Variants in ENTPD5 observed in about 807,000 individuals in gnomAD.
ENTPD5 encodes nucleoside diphosphate phosphatase ENTPD5.
In ENTPD5, 49 loss-of-function variants were observed where a neutral mutation model predicts 60.2. The ratio of observed to expected loss-of-function variants is 0.81; its 90% CI spans 0.65 to 1.03. ENTPD5 has a LOEUF of 1.03. Ranked by LOEUF, ENTPD5 falls within the 50% of genes least tolerant of loss-of-function variation. The pLI, the probability that ENTPD5 is intolerant of heterozygous loss-of-function variation, is 0.00. For synonymous variants in ENTPD5, 187 were observed against 185.4 expected, an observed-to-expected ratio of 1.01 and a Z score of -0.07; for missense variants, 480 against 507.6, an observed-to-expected ratio of 0.95 and a Z score of 0.52.
chr14:73,955,438 CT>C (rs772721316), downstream of ENTPD5: 9 of 1,613,078 alleles, frequency 5.6e-6, no homozygotes, highest in Non-Finnish European at 7.6e-6. Context: ...TCTATAGATC[CT>C]TTCTTTTGTA....
chr14:73,985,946 C>G (rs1455325161), intron 5 of ENTPD5, among the ~76,000 whole-genome samples: 4 of 151,698 alleles, frequency 2.6e-5, no homozygotes, highest in Non-Finnish European at 1.5e-5. Context: ...GTGGCACATG[C>G]CTGTAGTCCC....
downstream of ENTPD5, among the ~76,000 whole-genome samples, chr14:73,957,233 GA>G (rs1157222885): frequency 6.6e-6 from 1 of 151,994 alleles, no homozygotes; most frequent in African/African-American, 2.4e-5. Flanking sequence ...GAGTAGCTGG[GA>G]CTATAGGCGC....
At chr14:74,015,308 C>T (rs971358514) in intron 2 of ENTPD5, among the ~76,000 whole-genome samples, 2 of 151,324 alleles carry the variant, frequency 1.3e-5, no homozygotes. Flanking sequence ...ATAAAGTAAA[C>T]CCAGTTTTGG....
chr14:73,976,596 T>C, intron 8 of ENTPD5, among the ~76,000 whole-genome samples, 184 bp from the exon 9 acceptor site: 1 of 139,298 alleles, frequency 7.2e-6, no homozygotes, highest in East Asian at 2.0e-4. Context: ...AAGGCAGGTG[T>C]TTTTTTTTTT....
At chr14:73,971,958 A>G (rs2057246354) in intron 13 of ENTPD5, 50 bp from the exon 14 acceptor site, 2 of 1,119,420 alleles carry the variant, frequency 1.8e-6, no homozygotes, top group Non-Finnish European at 2.7e-6. Flanking sequence ...TCAAGGAAGC[A>G]TAAGGAAATT....
intron 3 of ENTPD5, among the ~76,000 whole-genome samples, chr14:73,995,585 AAATAATAATAATAATAATAAT>A (rs34846091): frequency 6.9e-6 from 1 of 144,212 alleles, no homozygotes; most frequent in African/African-American, 2.6e-5. Flanking sequence ...ACTCTATCTC[AAATAATAATAATAATAATAAT>A]AATAATAATA....
chr14:73,967,093 T>C, intron 15 of ENTPD5, 79 bp from the exon 16 acceptor site: 1 of 1,226,996 alleles, frequency 8.1e-7, no homozygotes, highest in Non-Finnish European at 1.2e-6. Context: ...CAGAAAATAT[T>C]GGCAAAGAAT....
intron 14 of ENTPD5, 122 bp downstream of exon 14, chr14:73,971,730 A>G: frequency 2.8e-6 from 2 of 716,886 alleles, no homozygotes; most frequent in South Asian, 3.3e-5. Context: ...GAAGACTCAG[A>G]AAGGAAACTA....
chr14:73,962,979 ATGGCC>A, downstream of ENTPD5: 1 of 1,609,590 alleles, frequency 6.2e-7, no homozygotes, highest in South Asian at 1.1e-5. Context: ...GGAACAGATT[ATGGCC>A]TTTGCAAGCA....
chr14:73,988,304 G>T, intron 3 of ENTPD5, 132 bp from the exon 4 acceptor site: 1 of 767,702 alleles, frequency 1.3e-6, no homozygotes, highest in South Asian at 2.6e-5. Flanking sequence ...GCTAAACCAG[G>T]GTGATGTGGG....
At chr14:74,013,485 T>A (rs1335736542) in intron 2 of ENTPD5, among the ~76,000 whole-genome samples, 1 of 151,358 alleles carries the variant, frequency 6.6e-6, no homozygotes, top group Non-Finnish European at 1.5e-5. Context: ...TATTATGAGA[T>A]CTTTTTTTGT....
At chr14:73,995,578 C>CT (rs1336796669) in intron 3 of ENTPD5, among the ~76,000 whole-genome samples, 4 of 120,766 alleles carry the variant, frequency 3.3e-5, no homozygotes, top group Admixed American at 8.5e-5. Context: ...GAGAGAGACT[C>CT]TATCTCAAAT....
Position 73,965,425 on chromosome 14 carries a change from T to G in ENTPD5, c.*1503A>C, listed in dbSNP as rs1264947819. 1 of 152,130 alleles carries G rather than the reference T, an allele frequency of 6.6e-6. No individual in the cohort carries two copies. The highest frequency in any genetic ancestry group is 6.6e-5 in the Admixed American group (1 of 15,264). The allele number at this position is 152,130 out of a possible 1,614,324, so 9.4% of individuals were successfully genotyped here. The stretch of plus-strand genomic sequence containing the variant: ...CAGGGCAGATGAGAAGCAGGGATGA[T>G]TATGTTGAAAGTGCAAGATAAGGCC... On this transcript the variant is annotated 3_prime_UTR_variant, in exon 16 of 16. Coordinates refer to ENST00000334696, the MANE Select transcript of ENTPD5 (RefSeq NM_001249.5).
downstream of ENTPD5, chr14:73,961,773 GACAGCGTCACAACACTGCTCT>G: frequency 6.2e-7 from 1 of 1,614,142 alleles, no homozygotes; most frequent in Non-Finnish European, 8.5e-7. Context: ...GAAACAGAAA[GACAGCGTCACAACACTGCTCT>G]TCTGGCTGCT....
At chr14:73,975,826 C>T in intron 10 of ENTPD5, 110 bp downstream of exon 10, 2 of 934,064 alleles carry the variant, frequency 2.1e-6, no homozygotes, top group Non-Finnish European at 3.2e-6. Flanking sequence ...AGGGAATTGG[C>T]ACAGACTTTG....
At chr14:73,982,074 TTTTG>T (rs763581724) in intron 6 of ENTPD5, among the ~76,000 whole-genome samples, 14 of 152,124 alleles carry the variant, frequency 9.2e-5, no homozygotes, top group South Asian at 4.1e-4. Flanking sequence ...ATATATAATT[TTTTG>T]TTTGTTTGTT....
chr14:73,973,234 C>T (rs2057305223), intron 12 of ENTPD5, among the ~76,000 whole-genome samples: 1 of 152,214 alleles, frequency 6.6e-6, no homozygotes, highest in Non-Finnish European at 1.5e-5. Context: ...GCTCTCCTGC[C>T]TAATCTGTAT....
chr14:74,015,309 C>T (rs981459574), intron 2 of ENTPD5, among the ~76,000 whole-genome samples: 3 of 151,304 alleles, frequency 2.0e-5, no homozygotes, highest in African/African-American at 7.3e-5. Flanking sequence ...TAAAGTAAAC[C>T]CAGTTTTGGA....
intron 8 of ENTPD5, 139 bp downstream of exon 8, chr14:73,976,885 G>A: frequency 1.3e-6 from 1 of 747,168 alleles, no homozygotes; most frequent in Non-Finnish European, 2.2e-6. Context: ...GAATTAACAG[G>A]CATGAACTGC....
Sources: allele counts gnomAD v4.1 joint callset (sites outside exome capture counted in the v4.1 genomes callset), GRCh38; gene constraint gnomAD v4.1.1; transcripts MANE v1.5; gene names NCBI Gene and HGNC (gene_info 2026-07-23, HGNC 2026-07-21).